Variants in ZNF205 observed in about 807,000 individuals in gnomAD.
The protein encoded by ZNF205 is transcriptional repressor RHIT.
A neutral mutation model predicts 53.6 loss-of-function variants in ZNF205; 32 were observed. The observed-to-expected ratio is 0.60, with a 90% CI of 0.45 to 0.80. The LOEUF (loss-of-function observed/expected upper bound fraction) is 0.80. Ranked by LOEUF, ZNF205 falls within the 30% of genes least tolerant of loss-of-function variation. The probability of loss-of-function intolerance (pLI) is 0.00; values close to 1 mark genes in which losing one functional copy is unlikely to be tolerated. For synonymous variants in ZNF205, 382 were observed against 334.3 expected (o/e 1.14, Z -1.56); for missense variants, 836 against 782.4 (o/e 1.07, Z -0.82).
rs1489561852 is a variant in ZNF205, at chr16:3,120,387, G to C, written c.*62G>C. 5.6e-6 allele frequency: 8 copies of C among 1,436,950 alleles called. No individual in the cohort carries two copies. The highest frequency in any genetic ancestry group is 2.8e-5 in the Admixed American group (1 of 35,500). 89.0% of individuals were successfully genotyped at this position (1,436,950 alleles called of 1,614,324 possible). A position where few individuals can be genotyped will look rare whatever the true frequency, so the allele number is the denominator to read the frequency against. Reference sequence around the variant, plus strand: ...CTGGAACAGCCCCACTGGAGTCAAGGCTCCGAGGGAGGAGAGAGGGGCTCG... The same window carrying C: ...CTGGAACAGCCCCACTGGAGTCAAGCCTCCGAGGGAGGAGAGAGGGGCTCG... On this transcript the variant is annotated 3_prime_UTR_variant, in exon 7 of 7. Coordinates refer to ENST00000219091, the MANE Select transcript of ZNF205 (RefSeq NM_001042428.2).
intron 5 of ZNF205, 113 bp from the exon 6 acceptor site, chr16:3,118,792 C>T: frequency 1.7e-6 from 2 of 1,163,868 alleles, no homozygotes; most frequent in Non-Finnish European, 1.2e-6. Context: ...TTATTTTACC[C>T]CCTGTTTCCA....
In ZNF205 at chr16:3,116,510, C is replaced by T; in HGVS notation, c.447C>T (p.Tyr149=). The T allele has an allele frequency of 1.2e-6, 2 of 1,614,074 alleles. No individual in the cohort carries two copies. The highest frequency in any genetic ancestry group is 1.1e-5 in the South Asian group (1 of 91,084). ...GRLDHTQQNF[Y]RDVLQKKNGL... ...TGGACCACACGCAGCAGAACTTCTA[C>T]AGGGATGTCCTGCAGAAGAAAAATG... Residue 149 remains tyrosine (Y), a synonymous_variant, in exon 5 of 7, where the codon TAC becomes TAT. Transcript: ENST00000219091.
Position 3,120,440 on chromosome 16 carries a change from G to A in ZNF205, c.*115G>A, listed in dbSNP as rs1957415092. On this transcript the variant is annotated 3_prime_UTR_variant, in exon 7 of 7. Transcript: ENST00000219091. ...AAGGGAGCTGGGGCGGTGAGGGCAT[G>A]GGGTGAGGCATGGCGATGGGGGAGG... is the stretch of plus-strand genomic sequence containing the variant. The A allele has an allele frequency of 4.0e-6, 5 of 1,243,110 alleles. No individual in the cohort carries two copies. Among genetic ancestry groups the A allele is most frequent in the South Asian group, 1.6e-5 (1 of 63,440 alleles). 77.0% of individuals were successfully genotyped at this position (1,243,110 alleles called of 1,614,324 possible). A position where few individuals can be genotyped will look rare whatever the true frequency, so the allele number is the denominator to read the frequency against.
In ZNF205 at chr16:3,113,409, C is replaced by T. The variant is rs1327715388; in HGVS notation, c.-14-8C>T. On this transcript the variant is annotated splice_polypyrimidine_tract_variant and splice_region_variant and intron_variant, in intron 1 of 6. Transcript: ENST00000219091. ...AAGAGGGAGAAACAACTCAGCTGTT[C>T]TTTCTAGCTCTGAAATAGAAAATGT... 1 of 1,612,234 alleles carries T rather than the reference C, an allele frequency of 6.2e-7. No individual in the cohort carries two copies. The highest frequency in any genetic ancestry group is 8.5e-7 in the Non-Finnish European group (1 of 1,179,174).
At chr16:3,116,674 A>G (rs1295785953) in intron 5 of ZNF205, 127 bp downstream of exon 5, 12 of 1,350,046 alleles carry the variant, frequency 8.9e-6, no homozygotes, top group African/African-American at 4.4e-5. Context: ...GCACTGTTCT[A>G]TGGAAACTTC....
In ZNF205 at chr16:3,119,846, C is replaced by T. The variant is rs554002745; in HGVS notation, c.1186C>T (p.Arg396Cys). 5.6e-6 allele frequency: 9 copies of T among 1,613,170 alleles called. No homozygotes were observed. The East Asian group carries it at 1.3e-4, about 24-fold the overall frequency. The change falls in exon 7 of 7, where the codon CGC (arginine) becomes TGC (cysteine). Residue 396 changes from arginine to cysteine, a missense_variant. By Grantham distance (180) the Arg-to-Cys change is radical (BLOSUM62 -3). Transcript: ENST00000219091. ...CGGAGAGAAGCCCTACGTGTGCGAC[C>T]GCTGCGCCAAGCGCTTCACCCGCCG... is the stretch of plus-strand genomic sequence containing the variant. Reference protein sequence around the residue: ...HTGEKPYVCDRCAKRFTRRSD... With the variant: ...HTGEKPYVCDCCAKRFTRRSD...
At chr16:3,115,620 G>C in intron 3 of ZNF205, 52 bp downstream of exon 3, 1 of 1,525,912 alleles carries the variant, frequency 6.6e-7, no homozygotes, top group Non-Finnish European at 8.8e-7. Flanking sequence ...GCTGTGGGGA[G>C]GTGGAGGTTT....
At chr16:3,118,012 CTTTTTTTTTTTT>C (rs71158135) in intron 5 of ZNF205, among the ~76,000 whole-genome samples, 6 of 74,288 alleles carry the variant, frequency 8.1e-5, no homozygotes, top group African/African-American at 1.1e-4. Flanking sequence ...CCATGCCCGG[CTTTTTTTTTTTT>C]TTTTTTTTTT....
In ZNF205 at chr16:3,116,557, C is replaced by T. The variant is rs371082584; in HGVS notation, c.484+10C>T. On this transcript the variant is annotated intron_variant, in intron 5 of 6. Transcript: ENST00000219091. ...AATGGGCTGTCACTGGGTAAGCACT[C>T]GCCTGGAGGGGGGACTGGGGTGTTA... is the stretch of plus-strand genomic sequence containing the variant. 5.6e-5 allele frequency: 91 copies of T among 1,612,558 alleles called. No homozygotes were observed. The highest frequency in any genetic ancestry group is 2.0e-4 in the African/African-American group (15 of 75,012).
Position 3,120,310 on chromosome 16 carries a change from A to T in ZNF205, c.1650A>T (p.Pro550=), listed in dbSNP as rs1242795527. ...AAAAGALATP[P]PAPT is the part of the protein sequence containing the mutation. Reference sequence around the variant, plus strand: ...CGGCGGGGGCTCTGGCCACACCCCCACCCGCTCCCACCTAGGAGGCCAGGA... The same window carrying T: ...CGGCGGGGGCTCTGGCCACACCCCCTCCCGCTCCCACCTAGGAGGCCAGGA... Residue 550 remains proline (P), a synonymous_variant, in exon 7 of 7, where the codon CCA becomes CCT. Coordinates refer to ENST00000219091, the MANE Select transcript of ZNF205 (RefSeq NM_001042428.2). 5.8e-6 allele frequency: 9 copies of T among 1,556,324 alleles called. No individual in the cohort carries two copies. The highest frequency in any genetic ancestry group is 1.4e-5 in the African/African-American group (1 of 73,394).
chr16:3,119,958 C>T lies in ZNF205; in HGVS notation c.1298C>T (p.Ser433Leu). 5 of 1,613,568 alleles carry T rather than the reference C, an allele frequency of 3.1e-6. No individual in the cohort carries two copies. Among genetic ancestry groups the T allele is most frequent in the Non-Finnish European group, 4.2e-6 (5 of 1,179,924 alleles). Residue 433 changes from serine to leucine, a missense_variant, in exon 7 of 7, where the codon TCG becomes TTG. Physicochemically the swap from Ser to Leu is moderately radical, Grantham distance 145 (BLOSUM62 -2). Transcript: ENST00000219091. ...PICAKCFTQSSALVTHQRTHT... is the reference protein window; with the variant it reads ...PICAKCFTQSLALVTHQRTHT... ...TGCGCCAAGTGCTTCACGCAGAGCT[C>T]GGCGCTAGTCACCCACCAGCGCACC...
intron 5 of ZNF205, among the ~76,000 whole-genome samples, chr16:3,118,105 G>A (rs1329546259): frequency 7.2e-6 from 1 of 138,756 alleles, no homozygotes; most frequent in Non-Finnish European, 1.5e-5. Context: ...CTCGTGATCC[G>A]CCCACCTCGG....
intron 1 of ZNF205, 88 bp from the exon 2 acceptor site, chr16:3,113,329 G>T (rs1469198404): frequency 7.4e-7 from 1 of 1,355,578 alleles, no homozygotes; most frequent in Non-Finnish European, 1.0e-6. Flanking sequence ...GCGAGGGCTG[G>T]TTTCTGTCTG....
At chr16:3,115,608 C>T (rs1489460829) in intron 3 of ZNF205, 40 bp downstream of exon 3, 8 of 1,543,516 alleles carry the variant, frequency 5.2e-6, no homozygotes, top group Admixed American at 2.2e-5. Flanking sequence ...CCCAGGGAGG[C>T]AGCTGTGGGG....
rs1235392556 is a variant in ZNF205, at chr16:3,120,219, A to T, written c.1559A>T (p.His520Leu). Residue 520 changes from histidine to leucine, a missense_variant, in exon 7 of 7, where the codon CAC becomes CTC. Coordinates refer to ENST00000219091, the MANE Select transcript of ZNF205 (RefSeq NM_001042428.2). ...AGCTTCAGCCGGCGCTCCAACCTGCACCGGCACGAGAAGATCCACACCACC... is the reference window on the plus strand; with the variant it reads ...AGCTTCAGCCGGCGCTCCAACCTGCTCCGGCACGAGAAGATCCACACCACC... ...GKSFSRRSNL[H>L]RHEKIHTTGP... 3 of 1,610,358 alleles carry T rather than the reference A, an allele frequency of 1.9e-6. No homozygotes were observed. The highest frequency in any genetic ancestry group is 2.2e-5 in the South Asian group (2 of 91,044).
rs1957402860 is a variant in ZNF205, at chr16:3,119,988, C to T, written c.1328C>T (p.Thr443Ile). 1 of 1,613,446 alleles carries T rather than the reference C, an allele frequency of 6.2e-7. No homozygotes were observed. Among genetic ancestry groups the T allele is most frequent in the Non-Finnish European group, 8.5e-7 (1 of 1,179,902 alleles). ...SALVTHQRTHTGVKPYPCPEC... is the reference protein window; with the variant it reads ...SALVTHQRTHIGVKPYPCPEC... Reference sequence around the variant, plus strand: ...CTAGTCACCCACCAGCGCACCCACACTGGGGTCAAGCCCTATCCGTGCCCC... The same window carrying T: ...CTAGTCACCCACCAGCGCACCCACATTGGGGTCAAGCCCTATCCGTGCCCC... Residue 443 changes from threonine to isoleucine, a missense_variant, in exon 7 of 7, where the codon ACT (threonine) becomes ATT (isoleucine). Thr to Ile is a moderately conservative substitution (Grantham distance 89). Coordinates refer to ENST00000219091, the MANE Select transcript of ZNF205 (RefSeq NM_001042428.2).
rs1420577398 is a variant in ZNF205 at position 3,116,450 on chromosome 16, G to A, written c.387G>A (p.Val129=). Residue 129 remains valine, a synonymous_variant, in exon 5 of 7, where the codon GTG becomes GTA. Coordinates refer to ENST00000219091, the MANE Select transcript of ZNF205 (RefSeq NM_001042428.2). ...AGATGCCAGTGACTTTCGAGGATGT[G>A]GCCTTGTACCTCTCCCGGGAGGAGT... The part of the protein sequence containing the change: ...WSQMPVTFED[V]ALYLSREEWG... 6.2e-7 allele frequency: 1 copy of A among 1,614,032 alleles called. No individual in the cohort carries two copies. The highest frequency in any genetic ancestry group is 1.7e-5 in the Admixed American group (1 of 60,012).
Position 3,120,100 on chromosome 16 carries a change from C to G in ZNF205, c.1440C>G (p.Asp480Glu). The change falls in exon 7 of 7, where the codon GAC (aspartate) becomes GAG (glutamate). Residue 480 changes from aspartate to glutamate, a missense_variant. Transcript: ENST00000219091. ...GCGAGAAGCCCTACCACTGCCTCGACTGCGGCAAGAGCTTCAGCCACAGCT... is the reference window on the plus strand; with the variant it reads ...GCGAGAAGCCCTACCACTGCCTCGAGTGCGGCAAGAGCTTCAGCCACAGCT... The part of the protein sequence containing the change: ...HTGEKPYHCL[D>E]CGKSFSHSSH... 6.2e-7 allele frequency: 1 copy of G among 1,613,710 alleles called. No homozygotes were observed. Among genetic ancestry groups the G allele is most frequent in the South Asian group, 1.1e-5 (1 of 91,068 alleles).
intron 1 of ZNF205, 88 bp from the exon 2 acceptor site, chr16:3,113,329 G>C: frequency 7.4e-7 from 1 of 1,355,696 alleles, no homozygotes. Context: ...GCGAGGGCTG[G>C]TTTCTGTCTG....
Sources: allele counts gnomAD v4.1 joint callset (sites outside exome capture counted in the v4.1 genomes callset), GRCh38; gene constraint gnomAD v4.1.1; transcripts MANE v1.5; gene names NCBI Gene and HGNC (gene_info 2026-07-23, HGNC 2026-07-21).